APP: variants seen among roughly 807,000 people sequenced by gnomAD.
APP encodes the protein amyloid-beta precursor protein.
Under a neutral mutation model 101.4 loss-of-function variants are expected in APP, and 31 were observed. The ratio of observed to expected loss-of-function variants is 0.31; its 90% CI spans 0.23 to 0.41. The LOEUF is 0.41. Ranked by LOEUF, APP falls within the 10% of genes least tolerant of loss-of-function variation. The pLI is 1.00. For missense variants in APP, 839 were observed against 1,003.7 expected, an observed-to-expected ratio of 0.84 and a Z score of 2.22; for synonymous variants, 366 against 364.4, an observed-to-expected ratio of 1.00 and a Z score of -0.05.
At chr21:26,100,710 A>G (rs1475130571) in intron 2 of APP, among the ~76,000 whole-genome samples, 1 of 152,238 alleles carries the variant, frequency 6.6e-6, no homozygotes, top group Non-Finnish European at 1.5e-5. Context: ...TTGTGCAGGC[A>G]CTGCTGTGCT....
At chr21:26,166,882 G>C (rs2063624634) in intron 1 of APP, among the ~76,000 whole-genome samples, 1 of 88,072 alleles carries the variant, frequency 1.1e-5, no homozygotes, top group Non-Finnish European at 2.0e-5. Context: ...GAGAGAGAGA[G>C]AGAGAGAGAG....
chr21:25,893,994 A>C (rs552191030), intron 16 of APP, among the ~76,000 whole-genome samples: 1 of 152,324 alleles, frequency 6.6e-6, no homozygotes, highest in South Asian at 2.1e-4. Flanking sequence ...AAGACTGACC[A>C]TTGTAAAAGT....
In APP at chr21:25,881,562, A is replaced by T; in HGVS notation, c.*108T>A. 7.7e-7 allele frequency: 1 copy of T among 1,292,424 alleles called. No individual in the cohort carries two copies. Among genetic ancestry groups the T allele is most frequent in the Non-Finnish European group, 1.1e-6 (1 of 895,856 alleles). The allele number at this position is 1,292,424 out of a possible 1,614,324, so 80.1% of individuals were successfully genotyped here. On this transcript the variant is annotated 3_prime_UTR_variant, in exon 18 of 18. Coordinates refer to ENST00000346798, the MANE Select transcript of APP (RefSeq NM_000484.4). ...AGCTGTCAAAAGGCGATAATGAGTA[A>T]ATCATAAAACGGGTTTGTTTCTTCC...
intron 5 of APP, among the ~76,000 whole-genome samples, chr21:26,042,433 T>C (rs928825067): frequency 1.3e-5 from 2 of 152,250 alleles, no homozygotes; most frequent in Non-Finnish European, 2.9e-5. Flanking sequence ...CTACAAATCA[T>C]GTATTTGTGA....
intron 13 of APP, chr21:25,934,009 C>A (rs1478952189): frequency 2.6e-5 from 4 of 152,114 alleles, no homozygotes; most frequent in African/African-American, 9.7e-5. Flanking sequence ...GAAACAGGGT[C>A]TTTGCAGATA....
chr21:25,901,593 G>A (rs2038492660), intron 15 of APP, among the ~76,000 whole-genome samples: 1 of 152,166 alleles, frequency 6.6e-6, no homozygotes, highest in South Asian at 2.1e-4. Context: ...CTGGCACATA[G>A]GGAAATATTC....
chr21:26,146,827 C>T (rs1186628284), intron 1 of APP, among the ~76,000 whole-genome samples: 3 of 152,164 alleles, frequency 2.0e-5, no homozygotes, highest in Non-Finnish European at 4.4e-5. Context: ...AAAAAGTTTG[C>T]CTTTTGTTGC....
At chr21:26,034,293 A>T (rs1310146266) in intron 5 of APP, among the ~76,000 whole-genome samples, 1 of 152,124 alleles carries the variant, frequency 6.6e-6, no homozygotes, top group Non-Finnish European at 1.5e-5. Flanking sequence ...TCCCATTCAG[A>T]GATCTATGTG....
intron 5 of APP, among the ~76,000 whole-genome samples, chr21:26,037,846 G>A (rs946958338): frequency 2.0e-5 from 3 of 152,122 alleles, no homozygotes; most frequent in Admixed American, 1.3e-4. Context: ...TTCAAATGAC[G>A]TACAATGGGA....
At chr21:26,123,130 G>C (rs1243471634) in intron 1 of APP, among the ~76,000 whole-genome samples, 1 of 152,154 alleles carries the variant, frequency 6.6e-6, no homozygotes, top group Non-Finnish European at 1.5e-5. Context: ...AAATATTGCA[G>C]GAACAGAACA....
intron 2 of APP, among the ~76,000 whole-genome samples, chr21:26,105,491 C>T (rs1348883852): frequency 1.3e-5 from 2 of 151,612 alleles, no homozygotes; most frequent in African/African-American, 4.8e-5. Flanking sequence ...GCAATGAATC[C>T]ATCAATACGG....
At chr21:26,106,055 C>A (rs1051829791) in intron 2 of APP, among the ~76,000 whole-genome samples, 1 of 152,194 alleles carries the variant, frequency 6.6e-6, no homozygotes, top group Admixed American at 6.5e-5. Context: ...CAGTGCCAAC[C>A]AGAAGCACTC....
In APP at chr21:26,093,838, G is replaced by A. The variant is rs143170872; in HGVS notation, c.226-3766C>T. Among the ~76,000 whole-genome samples the A allele has an allele frequency of 7.2e-5, 11 of 152,176 alleles. No homozygotes were observed. The East Asian group carries it at 1.5e-3, about 21-fold the overall frequency. On this transcript the variant is annotated intron_variant, in intron 2 of 17. Coordinates refer to ENST00000346798, the MANE Select transcript of APP (RefSeq NM_000484.4). ...GAGATTACAAAATTTGAACCAGGCC[G>A]GAGACAGTGGCACACACCTGTAATC...
At chr21:26,145,974 C>T (rs746858763) in intron 1 of APP, among the ~76,000 whole-genome samples, 5 of 152,080 alleles carry the variant, frequency 3.3e-5, no homozygotes, top group Non-Finnish European at 7.3e-5. Flanking sequence ...CTCATCTGTG[C>T]GCATTTATAC....
At chr21:26,096,083 G>A (rs2061935408) in intron 2 of APP, among the ~76,000 whole-genome samples, 1 of 152,152 alleles carries the variant, frequency 6.6e-6, no homozygotes, top group Non-Finnish European at 1.5e-5. Context: ...TACGTACACT[G>A]TGTTCCAAAC....
At chr21:26,073,244 G>A (rs545791633) in intron 3 of APP, among the ~76,000 whole-genome samples, 1 of 151,832 alleles carries the variant, frequency 6.6e-6, no homozygotes, top group East Asian at 1.9e-4. Flanking sequence ...TGGAATTTCT[G>A]AATCCTAAAT....
At chr21:26,026,594 CA>C (rs888605148) in intron 5 of APP, among the ~76,000 whole-genome samples, 1 of 152,022 alleles carries the variant, frequency 6.6e-6, no homozygotes, top group Non-Finnish European at 1.5e-5. Context: ...AAAGTCATGC[CA>C]AAAAAGTCAC....
intron 5 of APP, among the ~76,000 whole-genome samples, chr21:26,050,431 G>A (rs1204655305): frequency 6.6e-6 from 1 of 151,980 alleles, no homozygotes; most frequent in East Asian, 1.9e-4. Context: ...ACGGGACTAA[G>A]CTCCCTAAGA....
chr21:26,081,785 T>TC (rs1210461894), intron 3 of APP, among the ~76,000 whole-genome samples: 1 of 152,222 alleles, frequency 6.6e-6, no homozygotes, highest in South Asian at 2.1e-4. Flanking sequence ...TATCAGTTTT[T>TC]CTCTAGGTAT....
Sources: allele counts gnomAD v4.1 joint callset (sites outside exome capture counted in the v4.1 genomes callset), GRCh38; gene constraint gnomAD v4.1.1; transcripts MANE v1.5; gene names NCBI Gene and HGNC (gene_info 2026-07-23, HGNC 2026-07-21).